EPPIN: variants seen among roughly 807,000 people sequenced by gnomAD.
EPPIN encodes WAP four-disulfide core domain protein 7.
In EPPIN, 14 loss-of-function variants were observed where a neutral mutation model predicts 18.8. The observed-to-expected ratio is 0.75, with a 90% confidence interval of 0.49 to 1.17. The LOEUF is 1.17. EPPIN is among the 50% of genes most tolerant of loss of function. The probability of loss-of-function intolerance (pLI) is 0.00; values close to 1 mark genes in which losing one functional copy is unlikely to be tolerated. For synonymous variants in EPPIN, 57 were observed against 54.8 expected, an observed-to-expected ratio of 1.04 and a Z score of -0.18; for missense variants, 143 against 154.2, an observed-to-expected ratio of 0.93 and a Z score of 0.39.
intron 2 of EPPIN, chr20:45,543,386 A>G (rs981874415): frequency 6.6e-6 from 1 of 152,490 alleles, no homozygotes; most frequent in African/African-American, 2.4e-5. Flanking sequence ...GAGACAATAC[A>G]TTTCTGTTGT....
intron 2 of EPPIN, chr20:45,543,777 T>G (rs1432373463): frequency 1.3e-5 from 2 of 152,688 alleles, no homozygotes; most frequent in African/African-American, 4.8e-5. Flanking sequence ...AGGCCCTTCA[T>G]TGTCTGGCTC....
intron 1 of EPPIN, chr20:45,546,459 A>G (rs1360834751): frequency 6.6e-6 from 1 of 152,326 alleles, no homozygotes. Context: ...ACTGATGCAC[A>G]GTCATATTAT....
At position 45,542,737 on chromosome 20, in the gene EPPIN, T is replaced by C; in HGVS notation, c.354A>G (p.Gln118=). 4 of 1,613,928 alleles carry C rather than the reference T, an allele frequency of 2.5e-6. No homozygotes were observed. In the East Asian group the frequency reaches 8.9e-5, roughly 36 times the overall value. ...GGCQGNNNNF[Q]SKANCLNTCK... is the part of the protein sequence containing the mutation. ...AGGTGTTCAGGCAGTTGGCTTTGGA[T>C]TGGAAGTTGTTATTGTTTCCCTGGC... Residue 118 remains glutamine, a synonymous_variant, in exon 3 of 4, where the codon CAA becomes CAG. Coordinates refer to ENST00000354280, the MANE Select transcript of EPPIN (RefSeq NM_020398.4).
chr20:45,546,098 C>T, intron 1 of EPPIN: 2 of 412,112 alleles, frequency 4.9e-6, no homozygotes, highest in Non-Finnish European at 8.5e-6. Context: ...GCATCCCAGG[C>T]CTCTTCCCAT....
chr20:45,545,481 T>C, intron 2 of EPPIN, 158 bp downstream of exon 2: 2 of 1,257,862 alleles, frequency 1.6e-6, no homozygotes, highest in Non-Finnish European at 1.1e-6. Context: ...GCACACACCA[T>C]ATTTGGCACA....
intron 2 of EPPIN, chr20:45,544,666 A>G (rs1979742804): frequency 6.6e-6 from 1 of 152,072 alleles, no homozygotes. Context: ...TCCGGCCACC[A>G]TTTCTATCAT....
In EPPIN at chr20:45,542,146, A is replaced by G. The variant is rs755570633; in HGVS notation, c.400T>C (p.Ter134ArgextTer23). 2 of 1,613,666 alleles carry G rather than the reference A, an allele frequency of 1.2e-6. No individual in the cohort carries two copies. Among genetic ancestry groups the G allele is most frequent in the Non-Finnish European group, 1.7e-6 (2 of 1,179,754 alleles). ...LNTCKNKRFP[*>R] Reference sequence around the variant, plus strand: ...TCTTCCAGTGCATCCTTATCCAATCAGGGAAAGCCTGCAGAGAACGTAGGA... The same window carrying G: ...TCTTCCAGTGCATCCTTATCCAATCGGGGAAAGCCTGCAGAGAACGTAGGA... The change falls in exon 4 of 4, where the codon TGA becomes CGA. Residue 134 changes from the stop codon to arginine (R), a stop_lost. Coordinates refer to ENST00000354280, the MANE Select transcript of EPPIN (RefSeq NM_020398.4).
intron 2 of EPPIN, 170 bp downstream of exon 2, chr20:45,545,456 AGGTCATTCCTAAT>A (rs1177819952): frequency 1.1e-6 from 1 of 937,552 alleles, no homozygotes; most frequent in African/African-American, 1.7e-5. Flanking sequence ...TGATAGGATA[AGGTCATTCCTAAT>A]GGCACACACC....
intron 2 of EPPIN, chr20:45,544,234 T>C (rs946373294): frequency 6.6e-6 from 1 of 152,140 alleles, no homozygotes. Context: ...TGCTCAATGC[T>C]TCAAGGAACA....
Position 45,545,664 on chromosome 20 carries a change from T to C in EPPIN, c.198A>G (p.Gly66=). ...DNKKCCVFSC[G]KKCLDLKQDV... ...CTTGTTTGAGATCTAAACATTTTTT[T>C]CCGCAGCTGAAGACACAACACTTCT... The change falls in exon 2 of 4, where the codon GGA becomes GGG. Residue 66 remains glycine (G), a synonymous_variant. Transcript: ENST00000354280. 2 of 1,614,074 alleles carry C rather than the reference T, an allele frequency of 1.2e-6. No homozygotes were observed.
rs1404773398 is a variant in EPPIN at position 45,540,719 on chromosome 20, A to G, written c.*1425T>C. Reference sequence around the variant, plus strand: ...AGAAATGCAAATCAAAACCACAATGAGATACCATCTCATGCCAGTCAGAAT... The same window carrying G: ...AGAAATGCAAATCAAAACCACAATGGGATACCATCTCATGCCAGTCAGAAT... On this transcript the variant is annotated 3_prime_UTR_variant, in exon 4 of 4. Transcript: ENST00000354280. 6.6e-6 allele frequency: 1 copy of G among 152,218 alleles called. No homozygotes were observed. Among genetic ancestry groups the G allele is most frequent in the African/African-American group, 2.4e-5 (1 of 41,454 alleles). 9.4% of individuals were successfully genotyped at this position (152,218 alleles called of 1,614,324 possible).
At chr20:45,542,631 A>C (rs1600875185) in intron 3 of EPPIN, 69 bp downstream of exon 3, 1 of 1,561,228 alleles carries the variant, frequency 6.4e-7, no homozygotes. Flanking sequence ...CCTGGAATGG[A>C]CCAGCCAACA....
At chr20:45,544,013 C>T (rs1010853354) in intron 2 of EPPIN, 3 of 152,226 alleles carry the variant, frequency 2.0e-5, no homozygotes, top group African/African-American at 7.2e-5. Flanking sequence ...CTTGTGCATT[C>T]ATTTTTCATT....
At chr20:45,542,492 C>A in intron 3 of EPPIN, 1 of 734,284 alleles carries the variant, frequency 1.4e-6, no homozygotes, top group East Asian at 2.7e-5. Context: ...TTGATTACTT[C>A]TACATCCCTT....
At position 45,543,095 on chromosome 20, in the gene EPPIN, A is replaced by G. The variant is rs572203549; in HGVS notation, c.224-228T>C. The G allele has an allele frequency of 9.9e-5, 65 of 655,228 alleles. No homozygotes were observed. In the African/African-American group the frequency reaches 1.2e-3, roughly 12 times the overall value. The allele number at this position is 655,228 out of a possible 1,614,324, so 40.6% of individuals were successfully genotyped here. A position where few individuals can be genotyped will look rare whatever the true frequency, so the allele number is the denominator to read the frequency against. ...GGTTGTTGCAGGTGTAATTAGCTAA[A>G]ATGAGGTCAGACCAAAATAGGGTGG... On this transcript the variant is annotated intron_variant, in intron 2 of 3. Transcript: ENST00000354280.
At chr20:45,545,888 C>T in intron 1 of EPPIN, 118 bp from the exon 2 acceptor site, 1 of 1,497,780 alleles carries the variant, frequency 6.7e-7, no homozygotes, top group Non-Finnish European at 9.0e-7. Flanking sequence ...TGCTTGCCCC[C>T]AGGAGTTCTT....
Position 45,545,702 on chromosome 20 carries a change from A to G in EPPIN, c.160T>C (p.Cys54Arg), listed in dbSNP as rs1464279590. 6.2e-7 allele frequency: 1 copy of G among 1,614,054 alleles called. No individual in the cohort carries two copies. Among genetic ancestry groups the G allele is most frequent in the Admixed American group, 1.7e-5 (1 of 60,008 alleles). The change falls in exon 2 of 4, where the codon TGC (cysteine) becomes CGC (arginine). Residue 54 changes from cysteine (C) to arginine (R), a missense_variant. Cys to Arg is a radical substitution (Grantham distance 180). Transcript: ENST00000354280. ...ACACAACACTTCTTGTTGTCCTGGC[A>G]TTGTCTGTCCTTTGTACACACATCC... Reference protein sequence around the residue: ...ERDVCTKDRQCQDNKKCCVFS... With the variant: ...ERDVCTKDRQRQDNKKCCVFS...
chr20:45,545,980 C>A (rs558975866), intron 1 of EPPIN: 2 of 644,676 alleles, frequency 3.1e-6, no homozygotes, highest in South Asian at 2.4e-5. Context: ...CTATTCCCAC[C>A]CCCCAGCTCC....
At position 45,542,776 on chromosome 20, in the gene EPPIN, A is replaced by G. The variant is rs139564349; in HGVS notation, c.315T>C (p.Phe105=). 1,249 of 1,614,026 alleles carry G rather than the reference A, an allele frequency of 7.7e-4. 1 individual carries two copies. Among genetic ancestry groups the G allele is most frequent in the Non-Finnish European group, 9.8e-4 (1,153 of 1,179,920 alleles). ...TGTTTCCCTGGCAGCCACCATAGAC[A>G]AACATGGAGCAAGTATTATCTTTCT... ...YDKKDNTCSM[F]VYGGCQGNNN... is the part of the protein sequence containing the mutation. The change falls in exon 3 of 4, where the codon TTT becomes TTC. Residue 105 remains phenylalanine, a synonymous_variant. Coordinates refer to ENST00000354280, the MANE Select transcript of EPPIN (RefSeq NM_020398.4).
Sources: allele counts gnomAD v4.1 joint callset, GRCh38; gene constraint gnomAD v4.1.1; transcripts MANE v1.5; gene names NCBI Gene and HGNC (gene_info 2026-07-23, HGNC 2026-07-21).